PFKFB3: variants seen among roughly 807,000 people sequenced by gnomAD.
PFKFB3 encodes the protein 6-phosphofructo-2-kinase/fructose-2,6-biphosphatase 3.
A neutral mutation model predicts 68.0 loss-of-function variants in PFKFB3; 33 were observed. That is an observed-to-expected ratio of 0.49 (90% CI 0.37 to 0.65). The LOEUF (loss-of-function observed/expected upper bound fraction) is 0.65, where lower values mean the gene tolerates loss of function less well. Ranked by LOEUF, PFKFB3 falls within the 30% of genes least tolerant of loss-of-function variation. PFKFB3 has a pLI of 0.00. For missense variants in PFKFB3, 586 were observed against 712.2 expected, an observed-to-expected ratio of 0.82 and a Z score of 2.02; for synonymous variants, 315 against 288.2, an observed-to-expected ratio of 1.09 and a Z score of -0.94.
chr10:6,177,183 G>A (rs1236462253), intron 1 of PFKFB3, among the ~76,000 whole-genome samples: 1 of 152,168 alleles, frequency 6.6e-6, no homozygotes, highest in Non-Finnish European at 1.5e-5. Flanking sequence ...CTCTAACAGG[G>A]TAGGCTTGAC....
chr10:6,277,778 C>G, the PFKFB3 span: 1 of 425,610 alleles, frequency 2.3e-6, no homozygotes. Context: ...CCAATGAAAC[C>G]TCTTTTCTTC....
At chr10:6,232,503 G>A (rs1482019531) in intron 14 of PFKFB3, among the ~76,000 whole-genome samples, 2 of 152,348 alleles carry the variant, frequency 1.3e-5, no homozygotes, top group East Asian at 1.9e-4. Flanking sequence ...GAGGGGCCCT[G>A]TGTGTCCTTG....
chr10:6,160,165 T>A (rs1841931663), intron 1 of PFKFB3, among the ~76,000 whole-genome samples: 1 of 152,248 alleles, frequency 6.6e-6, no homozygotes, highest in African/African-American at 2.4e-5. Flanking sequence ...GGATAATGGT[T>A]ACTTCCATTT....
At chr10:6,209,155 C>T (rs1843991547) in intron 1 of PFKFB3, among the ~76,000 whole-genome samples, 1 of 152,194 alleles carries the variant, frequency 6.6e-6, no homozygotes, top group African/African-American at 2.4e-5. Flanking sequence ...GACTTGGTGA[C>T]TTTCTGGGAG....
At chr10:6,309,815 C>T in the PFKFB3 span, among the ~76,000 whole-genome samples, 5,300 of 152,090 alleles carry the variant, frequency 0.035, 143 homozygotes, top group Middle Eastern at 0.15. Flanking sequence ...TTGCAGAGAC[C>T]GGGTGATGGG....
At chr10:6,304,067 G>T in the PFKFB3 span, among the ~76,000 whole-genome samples, 1 of 152,262 alleles carries the variant, frequency 6.6e-6, no homozygotes, top group African/African-American at 2.4e-5. Context: ...GTGCTGCTTT[G>T]ATCTGTTTTC....
rs1055155145 is a variant in PFKFB3, at chr10:6,203,022, C to G, written c.-239C>G. 3.9e-5 allele frequency: 54 copies of G among 1,369,182 alleles called. No individual in the cohort carries two copies. The highest frequency in any genetic ancestry group is 2.7e-4 in the Middle Eastern group (1 of 3,714). The allele number at this position is 1,369,182 out of a possible 1,614,324, so 84.8% of individuals were successfully genotyped here. ...AGCATCCCAGAGCTTTCCGAGCGGA[C>G]GAGCCGGCCGTGCCGGGCATCCCCA... On this transcript the variant is annotated 5_prime_UTR_variant, in exon 1 of 15. Transcript: ENST00000379775.
rs1844920800 is a variant in PFKFB3 at position 6,221,039 on chromosome 10, CTG to C, written c.831+176_831+177del. Among the ~76,000 whole-genome samples the C allele has an allele frequency of 6.6e-5, 10 of 151,290 alleles. No individual in the cohort carries two copies. The South Asian group carries it at 2.1e-3, about 32-fold the overall frequency. ...TCTCTATGCATATCTGTGTGCATCT[CTG>C]TATGGCTCTGTGTGTGTGTGTGTCT... On this transcript the variant is annotated intron_variant, in intron 8 of 14. Coordinates refer to ENST00000379775, the MANE Select transcript of PFKFB3 (RefSeq NM_004566.4).
At chr10:6,323,407 C>T in the PFKFB3 span, among the ~76,000 whole-genome samples, 1 of 152,182 alleles carries the variant, frequency 6.6e-6, no homozygotes, top group Non-Finnish European at 1.5e-5. Context: ...TGCCTCACCT[C>T]ACTCTGCTCA....
intron 1 of PFKFB3, among the ~76,000 whole-genome samples, chr10:6,164,903 GAATAGAACGAATGGGA>G (rs2131725455): frequency 6.6e-6 from 1 of 152,242 alleles, no homozygotes; most frequent in African/African-American, 2.4e-5. Flanking sequence ...TCCTATCTCA[GAATAGAACGAATGGGA>G]TTGGTCTGCT....
intron 1 of PFKFB3, among the ~76,000 whole-genome samples, chr10:6,187,456 G>A (rs762115568): frequency 2.0e-5 from 3 of 152,214 alleles, no homozygotes; most frequent in Non-Finnish European, 4.4e-5. Context: ...AACAGGTGCA[G>A]TGTGGTTTAT....
chr10:6,280,798 T>C, the PFKFB3 span, among the ~76,000 whole-genome samples: 2 of 151,458 alleles, frequency 1.3e-5, no homozygotes, highest in Non-Finnish European at 2.9e-5. Flanking sequence ...TTTTTTTTTG[T>C]TTTAAATTTT....
chr10:6,217,669 A>G (rs959393247), intron 6 of PFKFB3, among the ~76,000 whole-genome samples: 1 of 152,058 alleles, frequency 6.6e-6, no homozygotes, highest in Non-Finnish European at 1.5e-5. Context: ...CATCTCGTGA[A>G]CCTGCCACAA....
intron 6 of PFKFB3, among the ~76,000 whole-genome samples, chr10:6,218,819 C>T (rs1201302174): frequency 1.3e-5 from 2 of 152,228 alleles, no homozygotes; most frequent in East Asian, 3.8e-4. Context: ...GCAGGACTTT[C>T]TCATCTTCCC....
At chr10:6,249,136 T>G (rs536038820) in intron 14 of PFKFB3, among the ~76,000 whole-genome samples, 51 of 143,550 alleles carry the variant, frequency 3.6e-4, no homozygotes, top group African/African-American at 1.3e-3. Flanking sequence ...ATTGCGCCAT[T>G]GCACTCCAGC....
chr10:6,184,929 A>G (rs1056395541), intron 1 of PFKFB3, among the ~76,000 whole-genome samples: 1 of 152,034 alleles, frequency 6.6e-6, no homozygotes, highest in Non-Finnish European at 1.5e-5. Context: ...CTTACGTGCC[A>G]CAGGTATTGA....
chr10:6,199,352 G>A (rs757213230), upstream of PFKFB3, among the ~76,000 whole-genome samples: 5 of 152,150 alleles, frequency 3.3e-5, no homozygotes, highest in Non-Finnish European at 5.9e-5. Flanking sequence ...ACTGGTAGGA[G>A]TTAGATGACA....
intron 1 of PFKFB3, among the ~76,000 whole-genome samples, chr10:6,184,177 C>T (rs192331865): frequency 6.6e-5 from 10 of 151,658 alleles, no homozygotes; most frequent in African/African-American, 2.4e-4. Flanking sequence ...GTCAGCCTCC[C>T]GAGTAGCTGG....
At chr10:6,258,808 C>T (rs1488154226), downstream of PFKFB3, among the ~76,000 whole-genome samples, 1 of 152,148 alleles carries the variant, frequency 6.6e-6, no homozygotes, top group Non-Finnish European at 1.5e-5. Flanking sequence ...ACTCTCTTCC[C>T]ACTTGGTGGT....
Sources: gnomAD v4.1 joint callset for allele counts (sites outside exome capture counted in the v4.1 genomes callset) on GRCh38, gnomAD v4.1.1 for gene constraint, MANE v1.5 for transcripts, NCBI Gene and HGNC (gene_info 2026-07-23, HGNC 2026-07-21) for gene names.